The following ADGRF4 variants were observed in gnomAD, a reference collection of about 807,000 sequenced individuals.
ADGRF4 encodes the protein G-protein coupled receptor PGR18.
Under a neutral mutation model 58.5 loss-of-function variants are expected in ADGRF4, and 63 were observed. The observed-to-expected ratio is 1.08, with a 90% CI of 0.88 to 1.33. The LOEUF (loss-of-function observed/expected upper bound fraction) is 1.33. Among genes scored for constraint, ADGRF4 ranks in the 40% most tolerant of loss-of-function variants. The pLI is 0.00. For synonymous variants in ADGRF4, 313 were observed against 295.4 expected (o/e 1.06, Z -0.61); for missense variants, 931 against 843.9 (o/e 1.10, Z -1.28).
chr6:47,718,461 A>G lies in ADGRF4; in HGVS notation c.*3+16A>G, dbSNP rs753317219. 6.9e-7 allele frequency: 1 copy of G among 1,443,630 alleles called. No homozygotes were observed. Among genetic ancestry groups the G allele is most frequent in the Admixed American group, 1.7e-5 (1 of 59,770 alleles). The allele number at this position is 1,443,630 out of a possible 1,614,324, so 89.4% of individuals were successfully genotyped here. A position where few individuals can be genotyped will look rare whatever the true frequency, so the allele number is the denominator to read the frequency against. Reference sequence around the variant, plus strand: ...AGGATGAAATGTGAGTATTAAAAATATAAAGAGAAATTTCACTTGCAATTT... The same window carrying G: ...AGGATGAAATGTGAGTATTAAAAATGTAAAGAGAAATTTCACTTGCAATTT... On this transcript the variant is annotated intron_variant, in intron 9 of 9. Transcript: ENST00000283303.
chr6:47,718,568 A>G, intron 9 of ADGRF4, 123 bp downstream of exon 9: 2 of 695,110 alleles, frequency 2.9e-6, no homozygotes, highest in Non-Finnish European at 5.3e-6. Flanking sequence ...GAAGAGGGGG[A>G]CATCTTTTTC....
intron 4 of ADGRF4, among the ~76,000 whole-genome samples, chr6:47,711,563 G>C (rs1561867344): frequency 6.6e-6 from 1 of 152,182 alleles, no homozygotes; most frequent in Non-Finnish European, 1.5e-5. Flanking sequence ...GCCGGGCCTT[G>C]ATATCTCTTT....
intron 4 of ADGRF4, 60 bp downstream of exon 4, chr6:47,710,946 T>G: frequency 6.8e-7 from 1 of 1,463,060 alleles, no homozygotes; most frequent in Admixed American, 1.9e-5. Flanking sequence ...AGTAGACACA[T>G]TTTTAATGTG....
At position 47,710,817 on chromosome 6, in the gene ADGRF4, A is replaced by G. The variant is rs769915793; in HGVS notation, c.231A>G (p.Thr77=). The change falls in exon 4 of 10, where the codon ACA becomes ACG. Residue 77 remains threonine, a synonymous_variant. Transcript: ENST00000283303. ...ACTTTCATGGAGAAATAGGATTTAC[A>G]TGTAATCAAAAAAAGTGGCAAAAAT... The part of the protein sequence containing the change: ...AKDFHGEIGF[T]CNQKKWQKSA... 8 of 1,613,932 alleles carry G rather than the reference A, an allele frequency of 5.0e-6. No homozygotes were observed. The African/African-American group carries it at 5.3e-5, about 11-fold the overall frequency.
chr6:47,714,828 T>C lies in ADGRF4; in HGVS notation c.1583T>C (p.Ile528Thr), dbSNP rs1254666931. The C allele has an allele frequency of 6.2e-7, 1 of 1,612,688 alleles. No homozygotes were observed. The highest frequency in any genetic ancestry group is 8.5e-7 in the Non-Finnish European group (1 of 1,178,718). The part of the protein sequence containing the change: ...GFAIGYGCPL[I>T]IAVTTVAITE... ...GCCATTGGCTATGGGTGCCCATTGA[T>C]CATTGCTGTCACTACAGTTGCTATC... The change falls in exon 6 of 10, where the codon ATC becomes ACC. Residue 528 changes from isoleucine to threonine, a missense_variant. Ile to Thr is a moderately conservative substitution (Grantham distance 89). Transcript: ENST00000283303.
chr6:47,706,614 A>G (rs1002309115), intron 1 of ADGRF4, among the ~76,000 whole-genome samples: 1 of 152,238 alleles, frequency 6.6e-6, no homozygotes, highest in Non-Finnish European at 1.5e-5. Context: ...TAAGCATCCT[A>G]CAATTCACAG....
In ADGRF4 at chr6:47,713,989, C is replaced by T. The variant is rs754398637; in HGVS notation, c.744C>T (p.Asn248=). ...LFIQTKGFHI[N]HNTSEKSLNF... ...TTCAGACAAAAGGGTTTCACATCAA[C>T]CATAATACCTCAGAGAAAAGCCTCA... is the stretch of plus-strand genomic sequence containing the variant. The change falls in exon 6 of 10, where the codon AAC becomes AAT. Residue 248 remains asparagine (N), a synonymous_variant. Transcript: ENST00000283303. 44 of 1,604,762 alleles carry T rather than the reference C, an allele frequency of 2.7e-5. 1 individual carries two copies. The East Asian group carries it at 6.0e-4, about 22-fold the overall frequency.
chr6:47,715,919 A>G (rs1043493823), intron 6 of ADGRF4, among the ~76,000 whole-genome samples: 5 of 152,162 alleles, frequency 3.3e-5, no homozygotes, highest in African/African-American at 1.2e-4. Flanking sequence ...TGTAGTAACT[A>G]TAGAGCACAT....
chr6:47,721,309 C>T lies in ADGRF4; in HGVS notation c.*104C>T, dbSNP rs1772151994. The T allele has an allele frequency of 6.6e-6, 1 of 152,156 alleles. No individual in the cohort carries two copies. The highest frequency in any genetic ancestry group is 1.5e-5 in the Non-Finnish European group (1 of 68,030). 9.4% of individuals were successfully genotyped at this position (152,156 alleles called of 1,614,324 possible). A position where few individuals can be genotyped will look rare whatever the true frequency, so the allele number is the denominator to read the frequency against. ...GAGTGAGGAGGAATGGTCATGCTTC[C>T]TTGGAAGACTTTCTCTTCTTGTCAG... is the stretch of plus-strand genomic sequence containing the variant. On this transcript the variant is annotated 3_prime_UTR_variant, in exon 10 of 10. Coordinates refer to ENST00000283303, the MANE Select transcript of ADGRF4 (RefSeq NM_153838.5).
chr6:47,712,340 A>G lies in ADGRF4; in HGVS notation c.301-17A>G, dbSNP rs1315720657. 2 of 1,611,560 alleles carry G rather than the reference A, an allele frequency of 1.2e-6. No homozygotes were observed. The highest frequency in any genetic ancestry group is 1.3e-5 in the African/African-American group (1 of 74,846). ...TACTTAATCATTTTTGAATGAAACT[A>G]CATTTGTTTTAAACAGGACTCAACT... On this transcript the variant is annotated splice_polypyrimidine_tract_variant and intron_variant, in intron 4 of 9. Coordinates refer to ENST00000283303, the MANE Select transcript of ADGRF4 (RefSeq NM_153838.5).
Position 47,712,578 on chromosome 6 carries a change from G to C in ADGRF4, c.522G>C (p.Leu174Phe). 1.3e-6 allele frequency: 2 copies of C among 1,581,196 alleles called. No homozygotes were observed. Among genetic ancestry groups the C allele is most frequent in the Non-Finnish European group, 1.7e-6 (2 of 1,150,164 alleles). ...TATTAAAAAATATTTCTACAGACTT[G>C]TCTGATAATGTTACTCGAGAGAAAA... ...VELLKNISTD[L>F]SDNVTREKMK... The change falls in exon 5 of 10, where the codon TTG becomes TTC. Residue 174 changes from leucine (L) to phenylalanine (F), a missense_variant. Physicochemically the swap from Leu to Phe is conservative, Grantham distance 22. Coordinates refer to ENST00000283303, the MANE Select transcript of ADGRF4 (RefSeq NM_153838.5).
intron 6 of ADGRF4, 22 bp from the exon 7 acceptor site, chr6:47,716,784 A>C: frequency 3.2e-6 from 5 of 1,584,450 alleles, no homozygotes; most frequent in South Asian, 1.1e-5. Context: ...ATCCCTCATG[A>C]ATCTGTTCAA....
rs372352781 is a variant in ADGRF4 at position 47,714,781 on chromosome 6, C to T, written c.1536C>T (p.Ser512=). The T allele has an allele frequency of 1.9e-6, 3 of 1,613,820 alleles. No homozygotes were observed. The highest frequency in any genetic ancestry group is 2.7e-5 in the African/African-American group (2 of 74,914). Residue 512 remains serine, a synonymous_variant, in exon 6 of 10, where the codon TCC becomes TCT. Coordinates refer to ENST00000283303, the MANE Select transcript of ADGRF4 (RefSeq NM_153838.5). ...ILVIFRRMMK[S]RMMVIGFAIG... ...TCATTTTCCGTAGGATGATGAAGTC[C>T]CGAATGATGGTCATTGGCTTTGCCA...
At chr6:47,712,664 A>G (rs1028266038) in intron 5 of ADGRF4, 56 bp downstream of exon 5, 2 of 1,329,368 alleles carry the variant, frequency 1.5e-6, no homozygotes, top group Admixed American at 1.9e-5. Context: ...TCATTTGAAT[A>G]GTTTCAAATA....
rs9367300 is a variant in ADGRF4 at position 47,699,342 on chromosome 6, G to A, written c.-17+548G>A. Among the ~76,000 whole-genome samples, 660 of 152,328 alleles carry A rather than the reference G, an allele frequency of 4.3e-3. 3 individuals carry two copies. The highest frequency in any genetic ancestry group is 0.014 in the African/African-American group (575 of 41,538). ...TATACTCTGAAGACAGTTGTGAGAG[G>A]TCTAAAGTGTTGCATCATTAGGTGC... On this transcript the variant is annotated intron_variant, in intron 1 of 9. Transcript: ENST00000283303.
At chr6:47,702,254 GTGTGT>G (rs200488029) in intron 1 of ADGRF4, among the ~76,000 whole-genome samples, 2,473 of 152,306 alleles carry the variant, frequency 0.016, 26 homozygotes, top group Admixed American at 0.022. Flanking sequence ...GTGTCTGTGT[GTGTGT>G]TGGGGGGAGT....
In ADGRF4 at chr6:47,717,429, AG is replaced by A. The variant is rs1772049751; in HGVS notation, c.2034+79del. On this transcript the variant is annotated intron_variant, in intron 8 of 9. Transcript: ENST00000283303. The stretch of plus-strand genomic sequence containing the variant: ...TATGCAGAGACAAATACCATAGCTC[AG>A]TACTCAGGATCTGTGGGCAAAGAGG... The A allele has an allele frequency of 3.4e-6, 3 of 884,868 alleles. No individual in the cohort carries two copies. The South Asian group carries it at 3.9e-5, about 12-fold the overall frequency. 54.8% of individuals were successfully genotyped at this position (884,868 alleles called of 1,614,324 possible).
At chr6:47,702,111 T>C (rs531588600) in intron 1 of ADGRF4, among the ~76,000 whole-genome samples, 2 of 152,244 alleles carry the variant, frequency 1.3e-5, no homozygotes, top group Middle Eastern at 3.2e-3. Context: ...GGTGCTGGGA[T>C]TATAGGCGTG....
intron 5 of ADGRF4, among the ~76,000 whole-genome samples, chr6:47,713,308 C>T (rs1046549178): frequency 6.6e-6 from 1 of 152,138 alleles, no homozygotes; most frequent in Non-Finnish European, 1.5e-5. Context: ...AAAGGGAGAT[C>T]TGTAGCCCAT....
Sources: allele counts gnomAD v4.1 joint callset (sites outside exome capture counted in the v4.1 genomes callset), GRCh38; gene constraint gnomAD v4.1.1; transcripts MANE v1.5; gene names NCBI Gene and HGNC (gene_info 2026-07-23, HGNC 2026-07-21).